RBM5: variants seen among roughly 807,000 people sequenced by gnomAD.
RBM5 encodes RNA binding motif protein 5, also known as RNA-binding protein 5.
In RBM5, 15 loss-of-function variants were observed where a neutral mutation model predicts 124.6. The observed-to-expected ratio is 0.12, with a 90% CI of 0.08 to 0.19. RBM5 has a LOEUF of 0.19. Ranked by LOEUF, RBM5 falls within the 10% of genes least tolerant of loss-of-function variation. The pLI is 1.00. For missense variants in RBM5, 580 were observed against 1,026.5 expected (o/e 0.57, Z 5.94); for synonymous variants, 337 against 361.2 (o/e 0.93, Z 0.76).
intron 4 of RBM5, chr3:50,094,130 G>T: frequency 6.9e-6 from 2 of 288,974 alleles, no homozygotes; most frequent in Admixed American, 4.7e-5. Flanking sequence ...ACATGCCAAA[G>T]GTAATTTTAT....
chr3:50,109,500 C>A, intron 14 of RBM5, 103 bp from the exon 15 acceptor site: 1 of 882,868 alleles, frequency 1.1e-6, no homozygotes, highest in Non-Finnish European at 1.9e-6. Context: ...GAAGAACTGA[C>A]ATATACAATG....
At chr3:50,108,504 C>A (rs2091081114) in intron 14 of RBM5, among the ~76,000 whole-genome samples, 200 bp downstream of exon 14, 1 of 152,038 alleles carries the variant, frequency 6.6e-6, no homozygotes, top group Admixed American at 6.6e-5. Context: ...GTCAGGAGTT[C>A]AAGACCAGCC....
Position 50,108,114 on chromosome 3 carries a change from A to G in RBM5, c.1086A>G (p.Gln362=), listed in dbSNP as rs751200842. 8.1e-6 allele frequency: 13 copies of G among 1,611,976 alleles called. No homozygotes were observed. Among genetic ancestry groups the G allele is most frequent in the South Asian group, 2.2e-5 (2 of 91,052 alleles). ...GCAGTGTTGACTACAGTTATCTGCA[A>G]CCAGGTCAAGATGGCTATGCCCAAT... is the stretch of plus-strand genomic sequence containing the variant. ...EGGSVDYSYL[Q]PGQDGYAQYA... Residue 362 remains glutamine, a synonymous_variant, in exon 13 of 25, where the codon CAA becomes CAG. Transcript: ENST00000347869.
chr3:50,108,909 A>G lies in RBM5; in HGVS notation c.1192+605A>G, dbSNP rs1439770638. On this transcript the variant is annotated intron_variant, in intron 14 of 24. Coordinates refer to ENST00000347869, the MANE Select transcript of RBM5 (RefSeq NM_005778.4). Reference sequence around the variant, plus strand: ...GAGTCGTGAGTGCCCACGTAAGTTCAGGTGAGCAGAGAGGATGTGGCCCTG... The same window carrying G: ...GAGTCGTGAGTGCCCACGTAAGTTCGGGTGAGCAGAGAGGATGTGGCCCTG... Among the ~76,000 whole-genome samples the G allele has an allele frequency of 2.0e-5, 3 of 152,200 alleles. No homozygotes were observed. The South Asian group carries it at 6.2e-4, about 31-fold the overall frequency.
Position 50,108,108 on chromosome 3 carries a change from T to C in RBM5, c.1080T>C (p.Tyr360=), listed in dbSNP as rs148691467. Residue 360 remains tyrosine (Y), a synonymous_variant, in exon 13 of 25, where the codon TAT becomes TAC. Transcript: ENST00000347869. The part of the protein sequence containing the change: ...SGEGGSVDYS[Y]LQPGQDGYAQ... Reference sequence around the variant, plus strand: ...AAGGAGGCAGTGTTGACTACAGTTATCTGCAACCAGGTCAAGATGGCTATG... The same window carrying C: ...AAGGAGGCAGTGTTGACTACAGTTACCTGCAACCAGGTCAAGATGGCTATG... 18 of 1,611,858 alleles carry C rather than the reference T, an allele frequency of 1.1e-5. No homozygotes were observed. The highest frequency in any genetic ancestry group is 1.5e-5 in the Non-Finnish European group (18 of 1,178,012).
At chr3:50,089,661 C>T (rs952604651) in intron 1 of RBM5, among the ~76,000 whole-genome samples, 2 of 152,152 alleles carry the variant, frequency 1.3e-5, no homozygotes, top group Admixed American at 6.6e-5. Context: ...GTTGAGCATT[C>T]GCTCTAGACT....
chr3:50,096,872 G>A lies in RBM5; in HGVS notation c.339+2997G>A, dbSNP rs138980084. Among the ~76,000 whole-genome samples the A allele has an allele frequency of 3.6e-3, 548 of 151,938 alleles. 3 individuals carry two copies. The highest frequency in any genetic ancestry group is 0.011 in the African/African-American group (467 of 41,432). On this transcript the variant is annotated intron_variant, in intron 4 of 24. Transcript: ENST00000347869. Reference sequence around the variant, plus strand: ...TCCTCCCGCCTGGGTCTCCCAAAGTGCTAGGATTATAGGCGTGGAAAACTA... The same window carrying A: ...TCCTCCCGCCTGGGTCTCCCAAAGTACTAGGATTATAGGCGTGGAAAACTA...
intron 17 of RBM5, chr3:50,112,747 C>G (rs2091171813): frequency 6.6e-6 from 1 of 152,228 alleles, no homozygotes; most frequent in African/African-American, 2.4e-5. Context: ...TTCTGGCTGC[C>G]TGGTTTATGT....
rs2091269384 is a variant in RBM5, at chr3:50,117,201, A to G, written c.2192+30A>G. On this transcript the variant is annotated intron_variant, in intron 23 of 24. Transcript: ENST00000347869. This position sits in a 1 kb window ranked among gnomAD's most constrained non-coding sequence, Gnocchi z 4.2. ...GTGATGTGCACATTTTCCAGTTCGT[A>G]AGCTGGGGCCCTGGCTGTTTTAAGT... 6.2e-7 allele frequency: 1 copy of G among 1,614,170 alleles called. No homozygotes were observed. The highest frequency in any genetic ancestry group is 8.5e-7 in the Non-Finnish European group (1 of 1,180,028).
chr3:50,109,160 G>A (rs1182476448), intron 14 of RBM5, among the ~76,000 whole-genome samples: 1 of 151,838 alleles, frequency 6.6e-6, no homozygotes, highest in Non-Finnish European at 1.5e-5. Context: ...TGTGAGCTCT[G>A]CCTCCCAGGT....
In RBM5 at chr3:50,112,340, C is replaced by T. The variant is rs767315355; in HGVS notation, c.1456-1043C>T. 5.4e-5 allele frequency among the ~76,000 whole-genome samples: 8 copies of T among 147,454 alleles called. No individual in the cohort carries two copies. In the East Asian group the frequency reaches 9.9e-4, roughly 18 times the overall value. ...CTGAGGCAGGAGAATGGCGTGAACC[C>T]GGGAGGTGGAGCTGGCAGTAAGCGA... is the stretch of plus-strand genomic sequence containing the variant. On this transcript the variant is annotated intron_variant, in intron 17 of 24. Transcript: ENST00000347869.
rs1197409636 is a variant in RBM5, at chr3:50,108,167, A to G, written c.1119+20A>G. 1 of 1,604,054 alleles carries G rather than the reference A, an allele frequency of 6.2e-7. No homozygotes were observed. The highest frequency in any genetic ancestry group is 1.3e-5 in the African/African-American group (1 of 74,686). ...GCTCAGGTAGGTAGATTTTAGCAGCATCCACCTTATAGTCTTGCAGAGTGT... is the reference window on the plus strand; with the variant it reads ...GCTCAGGTAGGTAGATTTTAGCAGCGTCCACCTTATAGTCTTGCAGAGTGT... On this transcript the variant is annotated intron_variant, in intron 13 of 24. Coordinates refer to ENST00000347869, the MANE Select transcript of RBM5 (RefSeq NM_005778.4).
At chr3:50,107,985 A>G (rs1359116156) in intron 12 of RBM5, 85 bp from the exon 13 acceptor site, 5 of 1,170,600 alleles carry the variant, frequency 4.3e-6, no homozygotes, top group Non-Finnish European at 6.4e-6. Context: ...AGCGCCCAGC[A>G]TCATGAGCTC....
intron 21 of RBM5, 92 bp from the exon 22 acceptor site, chr3:50,115,814 G>C: frequency 7.6e-7 from 1 of 1,320,678 alleles, no homozygotes; most frequent in South Asian, 1.2e-5. Flanking sequence ...TTGGGCTTTG[G>C]CTCTTAAAGT....
In RBM5 at chr3:50,115,677, T is replaced by C. The variant is rs537558379; in HGVS notation, c.2019+70T>C. 3 of 1,507,006 alleles carry C rather than the reference T, an allele frequency of 2.0e-6. No homozygotes were observed. In the South Asian group the frequency reaches 3.9e-5, roughly 19 times the overall value. The allele number at this position is 1,507,006 out of a possible 1,614,324, so 93.4% of individuals were successfully genotyped here. ...TGAGACAATTTGAGTGCCCTAACAGTCCTGACGGTTCCAAAAATACCTGCC... is the reference window on the plus strand; with the variant it reads ...TGAGACAATTTGAGTGCCCTAACAGCCCTGACGGTTCCAAAAATACCTGCC... On this transcript the variant is annotated intron_variant, in intron 21 of 24. Transcript: ENST00000347869.
In RBM5 at chr3:50,100,723, T is replaced by A; in HGVS notation, c.483+118T>A. 1.4e-6 allele frequency: 1 copy of A among 714,776 alleles called. No individual in the cohort carries two copies. Among genetic ancestry groups the A allele is most frequent in the South Asian group, 2.3e-5 (1 of 44,034 alleles). 44.3% of individuals were successfully genotyped at this position (714,776 alleles called of 1,614,324 possible). On this transcript the variant is annotated intron_variant, in intron 6 of 24. Transcript: ENST00000347869. The surrounding 1 kb of genome is among the most constrained non-coding windows in gnomAD (Gnocchi z 5.1). ...AGTGACTTTTTTTTAAAAAAAAAGCTTTGTATATATTAAAATTGATGTTAC... is the reference window on the plus strand; with the variant it reads ...AGTGACTTTTTTTTAAAAAAAAAGCATTGTATATATTAAAATTGATGTTAC...
intron 3 of RBM5, 53 bp from the exon 4 acceptor site, chr3:50,093,667 G>A (rs764037672): frequency 1.0e-5 from 16 of 1,557,708 alleles, no homozygotes; most frequent in Non-Finnish European, 1.4e-5. Flanking sequence ...TGGAGGGTCT[G>A]TTTCAAAGAG....
chr3:50,090,486 A>G, intron 2 of RBM5, 35 bp downstream of exon 2: 1 of 1,611,356 alleles, frequency 6.2e-7, no homozygotes. Flanking sequence ...TGATCTCAAC[A>G]TTTCAGTGGG....
chr3:50,112,791 T>C (rs2091172321), intron 17 of RBM5: 1 of 152,242 alleles, frequency 6.6e-6, no homozygotes, highest in Non-Finnish European at 1.5e-5. Context: ...GACAAATTGC[T>C]CTTTGGGTGC....
Sources: gnomAD v4.1 joint callset for allele counts (sites outside exome capture counted in the v4.1 genomes callset) on GRCh38, gnomAD v4.1.1 for gene constraint, Gnocchi (gnomAD v3.1) non-coding constraint, MANE v1.5 for transcripts, NCBI Gene and HGNC (gene_info 2026-07-23, HGNC 2026-07-21) for gene names.